CD101: variants seen among roughly 807,000 people sequenced by gnomAD.
CD101 encodes the protein CD101 molecule, also known as immunoglobulin superfamily member 2.
In CD101, 76 loss-of-function variants were observed where a neutral mutation model predicts 98.2. That is an observed-to-expected ratio of 0.77 (90% CI 0.64 to 0.94). The LOEUF is 0.94. CD101 is among the 40% of genes least tolerant of loss of function. The probability of loss-of-function intolerance (pLI) is 0.00; values close to 1 mark genes in which losing one functional copy is unlikely to be tolerated. For missense variants in CD101, 1,145 were observed against 1,218.8 expected (o/e 0.94, Z 0.90); for synonymous variants, 471 against 472.7 (o/e 1.00, Z 0.05).
intron 6 of CD101, among the ~76,000 whole-genome samples, chr1:117,020,318 C>T (rs1267703413): frequency 1.3e-5 from 2 of 152,112 alleles, no homozygotes; most frequent in African/African-American, 4.8e-5. Flanking sequence ...CCAAGGCGGG[C>T]AGATCACCTG....
chr1:117,034,208 T>C lies in CD101; in HGVS notation c.*33+74T>C. The C allele has an allele frequency of 2.2e-6, 3 of 1,382,566 alleles. No individual in the cohort carries two copies. In the South Asian group the frequency reaches 4.0e-5, roughly 19 times the overall value. The allele number at this position is 1,382,566 out of a possible 1,614,324, so 85.6% of individuals were successfully genotyped here. On this transcript the variant is annotated intron_variant, in intron 9 of 9. Transcript: ENST00000682167. The stretch of plus-strand genomic sequence containing the variant: ...CTGTCCTCAACTATGTCTGCGGCCT[T>C]GGGCAAGTTACCTAGGAATCAGAGG...
chr1:117,025,696 G>A lies in CD101; in HGVS notation c.2616G>A (p.Glu872=). Residue 872 remains glutamate (E), a synonymous_variant, in exon 8 of 10, where the codon GAG becomes GAA. Transcript: ENST00000682167. The part of the protein sequence containing the change: ...LVHLQHDGLL[E]YGEEGLRRHL... ...ACTTGCAACATGATGGCTTGCTGGA[G>A]TATGGGGAAGAGGGGCTCAGGAGGC... The A allele has an allele frequency of 6.2e-7, 1 of 1,614,204 alleles. No individual in the cohort carries two copies. The highest frequency in any genetic ancestry group is 8.5e-7 in the Non-Finnish European group (1 of 1,180,036).
At chr1:117,024,417 C>T (rs925264571) in intron 7 of CD101, among the ~76,000 whole-genome samples, 9 of 152,080 alleles carry the variant, frequency 5.9e-5, no homozygotes, top group East Asian at 1.9e-4. Context: ...GCAGAGGTTG[C>T]GGTGAGCCAA....
intron 4 of CD101, 66 bp downstream of exon 4, chr1:117,013,858 C>G: frequency 6.9e-7 from 1 of 1,456,932 alleles, no homozygotes; most frequent in Admixed American, 2.3e-5. Flanking sequence ...AGTGGAAGAC[C>G]CCTTCGTGGA....
At chr1:117,031,379 A>G (rs1654457665) in intron 8 of CD101, among the ~76,000 whole-genome samples, 1 of 152,214 alleles carries the variant, frequency 6.6e-6, no homozygotes, top group African/African-American at 2.4e-5. Context: ...TAGCAACTGT[A>G]ATACCTGGTG....
rs1164387615 is a variant in CD101 at position 117,018,237 on chromosome 1, G to C, written c.1694G>C (p.Arg565Thr). 6 of 1,614,140 alleles carry C rather than the reference G, an allele frequency of 3.7e-6. No homozygotes were observed. Among genetic ancestry groups the C allele is most frequent in the Non-Finnish European group, 5.1e-6 (6 of 1,180,038 alleles). ...ACCTTTGACCTGTCCTGTGTCGTGAGGGCCGGTTACTCTGACCTCAAGGTG... is the reference window on the plus strand; with the variant it reads ...ACCTTTGACCTGTCCTGTGTCGTGACGGCCGGTTACTCTGACCTCAAGGTG... ...TNTFDLSCVV[R>T]AGYSDLKVPL... is the part of the protein sequence containing the mutation. Residue 565 changes from arginine (R) to threonine (T), a missense_variant, in exon 6 of 10, where the codon AGG (arginine) becomes ACG (threonine). Physicochemically the swap from Arg to Thr is moderately conservative, Grantham distance 71 (BLOSUM62 -1). Transcript: ENST00000682167. This position sits in a 1 kb window ranked among gnomAD's most constrained non-coding sequence, Gnocchi z 4.3.
At chr1:117,026,168 G>T in intron 8 of CD101, 1 of 358,130 alleles carries the variant, frequency 2.8e-6, no homozygotes, top group East Asian at 4.6e-5. Context: ...TGGGGTTCAG[G>T]GAGAAGGTGG....
In CD101 at chr1:117,014,184, T is replaced by TG. The variant is rs1317484621; in HGVS notation, c.1228+392_1228+393insG. 2.3e-4 allele frequency among the ~76,000 whole-genome samples: 25 copies of TG among 109,580 alleles called. 2 individuals carry two copies. The East Asian group carries it at 6.3e-3, about 28-fold the overall frequency. The allele number at this position is 109,580 out of a possible 152,430, so 71.9% of individuals were successfully genotyped here. On this transcript the variant is annotated intron_variant, in intron 4 of 9. Coordinates refer to ENST00000682167, the MANE Select transcript of CD101 (RefSeq NM_001256106.3). ...ATGTGTATTAATGAAGCCCTCTGCC[T>TG]TTGTGTGTGTGTGTGTGTGTGTGTG...
rs1007070672 is a variant in CD101 at position 117,022,161 on chromosome 1, T to TA, written c.2428+180dup. On this transcript the variant is annotated intron_variant, in intron 7 of 9. Transcript: ENST00000682167. The surrounding 1 kb of genome is among the most constrained non-coding windows in gnomAD (Gnocchi z 4.8). ...GTCCACCAAAGGAGGGGAGGTCACT[T>TA]AAGGCAATCCAATCTGAGGTTTTGG... 1.3e-5 allele frequency among the ~76,000 whole-genome samples: 2 copies of TA among 152,128 alleles called. No homozygotes were observed. The highest frequency in any genetic ancestry group is 2.9e-5 in the Non-Finnish European group (2 of 67,996).
chr1:117,019,867 CTT>C lies in CD101; in HGVS notation c.2017+1308_2017+1309del. On this transcript the variant is annotated intron_variant, in intron 6 of 9. Transcript: ENST00000682167. The surrounding 1 kb of genome is among the most constrained non-coding windows in gnomAD (Gnocchi z 4.3). ...GTTGAAAACCTGAGTCATCACAACT[CTT>C]ATGTTCACCTTGTATCTAAACTCCC... 6.6e-6 allele frequency among the ~76,000 whole-genome samples: 1 copy of C among 152,314 alleles called. No individual in the cohort carries two copies. Among genetic ancestry groups the C allele is most frequent in the South Asian group, 2.1e-4 (1 of 4,826 alleles).
At chr1:117,017,049 A>G (rs752420808) in intron 4 of CD101, 41 bp from the exon 5 acceptor site, 4 of 1,568,142 alleles carry the variant, frequency 2.6e-6, no homozygotes, top group Admixed American at 3.6e-5. Flanking sequence ...TTTCTTATTT[A>G]CCTAAAACAG....
chr1:117,005,174 A>G lies in CD101; in HGVS notation c.43+3314A>G, dbSNP rs1283741464. Reference sequence around the variant, plus strand: ...TTAGGAAGACACAGACGTTGAGACTATAACACAGCACCCTCCCTGTCATCC... The same window carrying G: ...TTAGGAAGACACAGACGTTGAGACTGTAACACAGCACCCTCCCTGTCATCC... On this transcript the variant is annotated intron_variant, in intron 1 of 9. Coordinates refer to ENST00000682167, the MANE Select transcript of CD101 (RefSeq NM_001256106.3). This position sits in a 1 kb window ranked among gnomAD's most constrained non-coding sequence, Gnocchi z 4.4. Among the ~76,000 whole-genome samples the G allele has an allele frequency of 3.3e-5, 5 of 152,126 alleles. No homozygotes were observed. The highest frequency in any genetic ancestry group is 7.2e-5 in the African/African-American group (3 of 41,430).
intron 8 of CD101, among the ~76,000 whole-genome samples, chr1:117,031,247 G>C (rs1035461839): frequency 6.6e-6 from 1 of 152,164 alleles, no homozygotes; most frequent in African/African-American, 2.4e-5. Flanking sequence ...AAGCTGGGCA[G>C]CCTCTTCCCC....
rs1653014401 is a variant in CD101, at chr1:117,013,563, A to T, written c.999A>T (p.Gly333=). The part of the protein sequence containing the change: ...GTEIAHIDAG[G]VLGLKNDYKE... ...AAATTGCTCACATTGATGCTGGTGG[A>T]GTCCTGGGCCTGAAGAATGACTACA... Residue 333 remains glycine, a synonymous_variant, in exon 4 of 10, where the codon GGA becomes GGT. Transcript: ENST00000682167. 2 of 1,614,210 alleles carry T rather than the reference A, an allele frequency of 1.2e-6. No homozygotes were observed. Among genetic ancestry groups the T allele is most frequent in the Non-Finnish European group, 1.7e-6 (2 of 1,180,030 alleles).
rs887211121 is a variant in CD101 at position 117,022,980 on chromosome 1, G to GCT, written c.2428+998_2428+999dup. On this transcript the variant is annotated intron_variant, in intron 7 of 9. Transcript: ENST00000682167. This position sits in a 1 kb window ranked among gnomAD's most constrained non-coding sequence, Gnocchi z 4.8. ...GGGCCTGTTTTGCTTCTTATTCTCT[G>GCT]CTTTCCTCAGAATTTCTTAAACACT... is the stretch of plus-strand genomic sequence containing the variant. Among the ~76,000 whole-genome samples, 1 of 152,128 alleles carries GCT rather than the reference G, an allele frequency of 6.6e-6. No individual in the cohort carries two copies. The highest frequency in any genetic ancestry group is 1.5e-5 in the Non-Finnish European group (1 of 68,022).
chr1:117,003,066 T>C (rs1372674205), intron 1 of CD101, among the ~76,000 whole-genome samples: 1 of 152,080 alleles, frequency 6.6e-6, no homozygotes. Flanking sequence ...CGCTTGAACC[T>C]GGGAGGTGGA....
At position 117,013,687 on chromosome 1, in the gene CD101, T is replaced by C. The variant is rs765593137; in HGVS notation, c.1123T>C (p.Tyr375His). Residue 375 changes from tyrosine to histidine, a missense_variant, in exon 4 of 10, where the codon TAC becomes CAC. Physicochemically the swap from Tyr to His is moderately conservative, Grantham distance 83. Transcript: ENST00000682167. The stretch of plus-strand genomic sequence containing the variant: ...TCTGGGCCCAGAGGATGAAGGCGCC[T>C]ACAGATGTGTGGTAGCAGAGGTCAT... ...FSLGPEDEGAYRCVVAEVMKT... is the reference protein window; with the variant it reads ...FSLGPEDEGAHRCVVAEVMKT... 3.5e-5 allele frequency: 56 copies of C among 1,613,954 alleles called. No individual in the cohort carries two copies. The highest frequency in any genetic ancestry group is 4.5e-5 in the Non-Finnish European group (53 of 1,180,008).
At chr1:117,016,538 CAAAT>C (rs1221419451) in intron 4 of CD101, among the ~76,000 whole-genome samples, 7 of 152,040 alleles carry the variant, frequency 4.6e-5, no homozygotes, top group Admixed American at 1.3e-4. Flanking sequence ...ATTTAACAAA[CAAAT>C]AAGAAATATG....
chr1:117,033,749 C>A lies in CD101; in HGVS notation c.2825-111C>A. 6.9e-7 allele frequency: 1 copy of A among 1,445,884 alleles called. No individual in the cohort carries two copies. Among genetic ancestry groups the A allele is most frequent in the South Asian group, 1.3e-5 (1 of 76,748 alleles). The allele number at this position is 1,445,884 out of a possible 1,614,324, so 89.6% of individuals were successfully genotyped here. A position where few individuals can be genotyped will look rare whatever the true frequency, so the allele number is the denominator to read the frequency against. ...TCAGGGGCCCACTGCTATTTGGCCC[C>A]ATTATTTTTACATATACTTGCCTAT... On this transcript the variant is annotated intron_variant, in intron 8 of 9. Coordinates refer to ENST00000682167, the MANE Select transcript of CD101 (RefSeq NM_001256106.3). The surrounding 1 kb of genome is among the most constrained non-coding windows in gnomAD (Gnocchi z 4.8).
Sources: allele counts gnomAD v4.1 joint callset (sites outside exome capture counted in the v4.1 genomes callset), GRCh38; gene constraint gnomAD v4.1.1; non-coding constraint Gnocchi (gnomAD v3.1); transcripts MANE v1.5; gene names NCBI Gene and HGNC (gene_info 2026-07-23, HGNC 2026-07-21).